Variants in SORBS2 observed in about 807,000 individuals in gnomAD.
SORBS2 encodes the protein sorbin and SH3 domain containing 2.
SORBS2 carries 46 observed loss-of-function variants against 97.7 expected under a neutral mutation model. The observed-to-expected ratio is 0.47, with a 90% CI of 0.37 to 0.60. The LOEUF is 0.60. SORBS2 is among the 20% of genes least tolerant of loss of function. The pLI, the probability that SORBS2 is intolerant of heterozygous loss-of-function variation, is 0.00. For missense variants in SORBS2, 1,316 were observed against 1,282.3 expected, an observed-to-expected ratio of 1.03 and a Z score of -0.40; for synonymous variants, 476 against 473.4, an observed-to-expected ratio of 1.01 and a Z score of -0.07.
intron 2 of SORBS2, among the ~76,000 whole-genome samples, chr4:185,686,092 C>A (rs1453397528): frequency 1.3e-5 from 2 of 151,846 alleles, no homozygotes; most frequent in Non-Finnish European, 2.9e-5. Context: ...TTGAGTAAAA[C>A]CAAATTAAAT....
Position 185,841,093 on chromosome 4 carries a change from G to T in SORBS2, c.-337-65727C>A, listed in dbSNP as rs530183106. Among the ~76,000 whole-genome samples the T allele has an allele frequency of 7.2e-5, 11 of 152,206 alleles. 1 individual carries two copies. Among genetic ancestry groups the T allele is most frequent in the Admixed American group, 5.9e-4 (9 of 15,284 alleles). Reference sequence around the variant, plus strand: ...GCAAAGAGGTCAACAAATGTGTGGCGTGCGGCATTGCGGAAGAACAAAGAT... The same window carrying T: ...GCAAAGAGGTCAACAAATGTGTGGCTTGCGGCATTGCGGAAGAACAAAGAT... On this transcript the variant is annotated intron_variant, in intron 1 of 20. Transcript: ENST00000284776.
intron 1 of SORBS2, among the ~76,000 whole-genome samples, chr4:185,820,198 C>T (rs747670919): frequency 6.6e-6 from 1 of 152,280 alleles, no homozygotes; most frequent in Non-Finnish European, 1.5e-5. Flanking sequence ...ATGGTCCAGA[C>T]GGTGAGGGCC....
At chr4:185,753,675 C>T (rs562665440) in intron 2 of SORBS2, among the ~76,000 whole-genome samples, 62 of 152,302 alleles carry the variant, frequency 4.1e-4, no homozygotes, top group Admixed American at 2.4e-3. Context: ...GTTTAAGCAG[C>T]ACTGTCCAAA....
intron 1 of SORBS2, among the ~76,000 whole-genome samples, chr4:185,813,371 C>G (rs2099190142): frequency 6.6e-6 from 1 of 152,174 alleles, no homozygotes; most frequent in Non-Finnish European, 1.5e-5. Context: ...CCCTTCCTCC[C>G]CAACCGGATT....
chr4:185,919,200 T>A (rs887874826), intron 1 of SORBS2: 5 of 152,190 alleles, frequency 3.3e-5, no homozygotes, highest in Non-Finnish European at 5.9e-5. Flanking sequence ...ACCACTTACA[T>A]AGTTCAATCC....
intron 2 of SORBS2, among the ~76,000 whole-genome samples, chr4:185,715,107 T>A (rs2098455345): frequency 6.6e-6 from 1 of 152,242 alleles, no homozygotes; most frequent in Non-Finnish European, 1.5e-5. Context: ...TGAATTTGTT[T>A]GCAAAGAATA....
intron 1 of SORBS2, among the ~76,000 whole-genome samples, chr4:185,847,535 T>A (rs1184237572): frequency 6.6e-6 from 1 of 151,980 alleles, no homozygotes; most frequent in Non-Finnish European, 1.5e-5. Context: ...CAGACATACA[T>A]CCTCCTCTCC....
intron 2 of SORBS2, among the ~76,000 whole-genome samples, chr4:185,763,740 T>C (rs529801445): frequency 2.6e-4 from 39 of 152,340 alleles, no homozygotes; most frequent in African/African-American, 9.4e-4. Flanking sequence ...TTTAAAATTA[T>C]AAAGACTTTT....
intron 2 of SORBS2, among the ~76,000 whole-genome samples, chr4:185,714,266 A>G (rs945690690): frequency 6.6e-6 from 1 of 152,210 alleles, no homozygotes; most frequent in African/African-American, 2.4e-5. Flanking sequence ...GCTAGAGTGT[A>G]GGATATTTTG....
chr4:185,813,943 C>T (rs1293028898), intron 1 of SORBS2, among the ~76,000 whole-genome samples: 1 of 152,132 alleles, frequency 6.6e-6, no homozygotes, highest in Non-Finnish European at 1.5e-5. Context: ...GTCTTCTTTG[C>T]CCTCCATGCT....
rs35221294 is a variant in SORBS2, at chr4:185,759,615, GTT to G, written c.-198+15610_-198+15611del. Among the ~76,000 whole-genome samples, 1,339 of 149,962 alleles carry G rather than the reference GTT, an allele frequency of 8.9e-3. 12 individuals carry two copies. The highest frequency in any genetic ancestry group is 0.022 in the African/African-American group (900 of 40,930). On this transcript the variant is annotated intron_variant, in intron 2 of 20. Coordinates refer to the SORBS2 transcript ENST00000284776. ...GGTGAGTTCTCTAGGAATTGAAAGGGTTTTTTTTTTTTCTGTTACAGTTTTAA... is the reference window on the plus strand; with the variant it reads ...GGTGAGTTCTCTAGGAATTGAAAGGGTTTTTTTTTTCTGTTACAGTTTTAA...
At chr4:185,587,804 G>A (rs1176824860) in intron 14 of SORBS2, 116 bp from the exon 27 acceptor site, 1 of 783,556 alleles carries the variant, frequency 1.3e-6, no homozygotes, top group East Asian at 2.6e-5. Context: ...GAGGGGTTTG[G>A]AAAAGAAGGC....
At chr4:185,927,110 GAAT>G (rs1362546538) in intron 1 of SORBS2, among the ~76,000 whole-genome samples, 1 of 148,886 alleles carries the variant, frequency 6.7e-6, no homozygotes, top group Admixed American at 6.8e-5. Context: ...ATATATATGT[GAAT>G]ATTATATGTA....
At chr4:185,589,319 C>T (rs1475399153) in intron 14 of SORBS2, 1 of 188,512 alleles carries the variant, frequency 5.3e-6, no homozygotes, top group Admixed American at 5.7e-5. Context: ...ATTAGATTCT[C>T]ACTGTGGACA....
chr4:185,754,292 T>C (rs1237521573), intron 2 of SORBS2, among the ~76,000 whole-genome samples: 1 of 152,132 alleles, frequency 6.6e-6, no homozygotes, highest in East Asian at 1.9e-4. Context: ...CACCACAGCC[T>C]ACTTGAGGGT....
rs1217748401 is a variant in SORBS2 at position 185,606,147 on chromosome 4, G to A, written c.2796+5633C>T. The A allele has an allele frequency of 1.0e-6, 1 of 985,324 alleles. No homozygotes were observed. The highest frequency in any genetic ancestry group is 1.1e-4 in the East Asian group (1 of 8,816). 61.0% of individuals were successfully genotyped at this position (985,324 alleles called of 1,614,324 possible). A position where few individuals can be genotyped will look rare whatever the true frequency, so the allele number is the denominator to read the frequency against. On this transcript the variant is annotated intron_variant, in intron 12 of 14. Coordinates refer to ENST00000418609, the Ensembl canonical transcript of SORBS2. This position sits in a 1 kb window ranked among gnomAD's most constrained non-coding sequence, Gnocchi z 4.3. ...GTATGGTGTACAGTTTCTCATCCTG[G>A]AATAGGACAAATTTCTGGGCATCAA...
chr4:185,686,168 T>C lies in SORBS2; in HGVS notation c.-197-7346A>G, dbSNP rs75618800. On this transcript the variant is annotated intron_variant, in intron 2 of 20. Transcript: ENST00000284776. Reference sequence around the variant, plus strand: ...CCGATATAATAATATAATCATTATATATTGTCACATTTCCATTTTTCCTTT... The same window carrying C: ...CCGATATAATAATATAATCATTATACATTGTCACATTTCCATTTTTCCTTT... 4.0e-3 allele frequency among the ~76,000 whole-genome samples: 603 copies of C among 152,320 alleles called. 4 individuals carry two copies. The highest frequency in any genetic ancestry group is 0.014 in the African/African-American group (579 of 41,572).
intron 1 of SORBS2, among the ~76,000 whole-genome samples, chr4:185,936,392 G>A (rs1374892673): frequency 6.6e-6 from 1 of 152,186 alleles, no homozygotes; most frequent in Non-Finnish European, 1.5e-5. Flanking sequence ...GCTGAATGCA[G>A]TTGCACATAG....
intron 1 of SORBS2, among the ~76,000 whole-genome samples, chr4:185,858,073 G>T (rs2099221633): frequency 6.6e-6 from 1 of 152,144 alleles, no homozygotes; most frequent in Non-Finnish European, 1.5e-5. Context: ...CGCTGGTTTT[G>T]CAGCTCGAGG....
Sources: allele counts gnomAD v4.1 joint callset (sites outside exome capture counted in the v4.1 genomes callset), GRCh38; gene constraint gnomAD v4.1.1; non-coding constraint Gnocchi (gnomAD v3.1); transcripts MANE v1.5; gene names NCBI Gene and HGNC (gene_info 2026-07-23, HGNC 2026-07-21).